The following MAGED2 variants were observed in gnomAD, a reference collection of about 807,000 sequenced individuals.
The protein encoded by MAGED2 is melanoma-associated antigen D2.
In MAGED2, 6 loss-of-function variants were observed where a neutral mutation model predicts 41.7. The observed-to-expected ratio is 0.14, with a 90% CI of 0.08 to 0.28. MAGED2 has a LOEUF of 0.28. MAGED2 is among the 10% of genes least tolerant of loss of function. The pLI is 1.00. For synonymous variants in MAGED2, 146 were observed against 178.2 expected (o/e 0.82, Z 1.44); for missense variants, 343 against 486.4 (o/e 0.71, Z 2.77).
chrX:54,815,817 T>G, intron 12 of MAGED2, 64 bp from the exon 13 acceptor site: 1 of 464,489 alleles, frequency 2.2e-6, no homozygotes, highest in East Asian at 3.7e-5. Flanking sequence ...CTTTTGGCAT[T>G]TTATTCCTTT....
Position 54,809,818 on chromosome X carries a change from G to A in MAGED2, c.142G>A (p.Ala48Thr), listed in dbSNP as rs2071536521. The A allele has an allele frequency of 8.3e-7, 1 of 1,202,088 alleles. No homozygotes were observed. The highest frequency in any genetic ancestry group is 1.1e-6 in the Non-Finnish European group (1 of 890,360). ...EVPETPKASK[A>T]LEVSEDVKVS... ...CCCAGAGACACCGAAGGCCTCAAAG[G>A]CACTGGAGGTCTCAGAGGATGTGAA... The change falls in exon 3 of 13, where the codon GCA becomes ACA. Residue 48 changes from alanine to threonine, a missense_variant. By Grantham distance (58) the Ala-to-Thr change is moderately conservative. This residue lies in a region of MAGED2 where 195 missense variants were observed against 221.2 expected (regional missense o/e 0.88). Transcript: ENST00000375068.
intron 3 of MAGED2, 49 bp downstream of exon 3, chrX:54,810,262 T>C: frequency 1.3e-6 from 1 of 787,230 alleles, no homozygotes; most frequent in Non-Finnish European, 1.8e-6. Flanking sequence ...CTCTCTCAGT[T>C]GATTCATTTG....
chrX:54,815,529 TAAC>T lies in MAGED2; in HGVS notation c.1670_1672del (p.Asn557del), dbSNP rs758402011. The T allele has an allele frequency of 8.4e-7, 1 of 1,186,450 alleles. No homozygotes were observed. The highest frequency in any genetic ancestry group is 1.8e-5 in the African/African-American group (1 of 56,963). On this transcript the variant is annotated inframe_deletion, in exon 12 of 13. Coordinates refer to ENST00000375068, the MANE Select transcript of MAGED2 (RefSeq NM_177433.3). ...GCACTGGTGCCAGTACCAGTACCAA[TAAC>T]AGTGCCAGTGCCAGTGCCAGCACCA...
chrX:54,811,186 T>A (rs1241339275), intron 4 of MAGED2, 57 bp downstream of exon 4: 5 of 1,196,651 alleles, frequency 4.2e-6, no homozygotes, highest in Non-Finnish European at 5.7e-6. Flanking sequence ...GTCCTTTTCT[T>A]TGCCATCGTC....
intron 10 of MAGED2, 68 bp from the exon 11 acceptor site, chrX:54,814,593 G>T: frequency 4.5e-6 from 3 of 665,374 alleles, no homozygotes; most frequent in Non-Finnish European, 7.5e-6. Flanking sequence ...TCTGGAGCCT[G>T]TCCAGTCTAT....
Position 54,810,113 on chromosome X carries a change from C to G in MAGED2, c.437C>G (p.Ser146Cys), listed in dbSNP as rs1008575161. 1 of 1,204,073 alleles carries G rather than the reference C, an allele frequency of 8.3e-7. No homozygotes were observed. The highest frequency in any genetic ancestry group is 1.1e-6 in the Non-Finnish European group (1 of 891,859). ...TKAQETEAAP[S>C]QAPADEPEPE... ...GCTCAGGAGACTGAGGCTGCACCCT[C>G]TCAGGCCCCAGCAGATGAACCTGAG... The change falls in exon 3 of 13, where the codon TCT (serine) becomes TGT (cysteine). Residue 146 changes from serine to cysteine, a missense_variant. Physicochemically the swap from Ser to Cys is moderately radical, Grantham distance 112 (BLOSUM62 -1). Around this residue, in one of 3 missense-constraint regions of MAGED2, gnomAD observed 195 missense variants for 221.2 expected, o/e 0.88. Transcript: ENST00000375068.
chrX:54,814,272 A>G (rs1477877496), intron 10 of MAGED2: 1 of 338,032 alleles, frequency 3.0e-6, no homozygotes, highest in Non-Finnish European at 5.7e-6. Context: ...TGTGTGAAGC[A>G]TGCTGCTATT....
At position 54,811,137 on chromosome X, in the gene MAGED2, C is replaced by T. The variant is rs761955216; in HGVS notation, c.846+8C>T. The T allele has an allele frequency of 1.7e-6, 2 of 1,195,155 alleles. No individual in the cohort carries two copies. The highest frequency in any genetic ancestry group is 1.8e-5 in the South Asian group (1 of 54,796). On this transcript the variant is annotated splice_region_variant and intron_variant, in intron 4 of 12. Transcript: ENST00000375068. ...GCCCTTTTGCAAGGGAGGGTAAGAA[C>T]TCTGTCGTTTTTATTCTGCCTTTTC...
chrX:54,808,062 G>A (rs1929669588), intron 1 of MAGED2, among the ~76,000 whole-genome samples: 1 of 109,528 alleles, frequency 9.1e-6, no homozygotes, highest in African/African-American at 3.3e-5. Flanking sequence ...CAAGGAGGGA[G>A]GGGAACACTG....
At position 54,812,246 on chromosome X, in the gene MAGED2, G is replaced by C; in HGVS notation, c.1080G>C (p.Leu360=). The change falls in exon 7 of 13, where the codon CTG becomes CTC. Residue 360 remains leucine, a synonymous_variant. Transcript: ENST00000375068. ...TAGAGCCCACTGATGCAGGCATACT[G>C]GGAACGTAAGCTGGGAAAGGGCTGA... is the stretch of plus-strand genomic sequence containing the variant. ...STLEPTDAGI[L]GTTKDSPKLG... is the part of the protein sequence containing the mutation. 1 of 1,175,447 alleles carries C rather than the reference G, an allele frequency of 8.5e-7. No homozygotes were observed. Among genetic ancestry groups the C allele is most frequent in the Non-Finnish European group, 1.2e-6 (1 of 869,061 alleles).
intron 6 of MAGED2, 133 bp downstream of exon 6, chrX:54,811,786 C>A: frequency 2.0e-6 from 1 of 500,664 alleles, no homozygotes; most frequent in Non-Finnish European, 3.5e-6. Context: ...CAGACAGTGG[C>A]CTAGGGAGGG....
Position 54,815,542 on chromosome X carries a change from G to A in MAGED2, c.1681G>A (p.Ala561Thr). Reference sequence around the variant, plus strand: ...TACCAGTACCAATAACAGTGCCAGTGCCAGTGCCAGCACCAGTGGTGGCTT... The same window carrying A: ...TACCAGTACCAATAACAGTGCCAGTACCAGTGCCAGCACCAGTGGTGGCTT... ...ASTSTNNSAS[A>T]SASTSGGFSA... Residue 561 changes from alanine to threonine, a missense_variant, in exon 12 of 13, where the codon GCC (alanine) becomes ACC (threonine). By Grantham distance (58) the Ala-to-Thr change is moderately conservative. This residue lies in a region of MAGED2 where 53 missense variants were observed against 60.4 expected (regional missense o/e 0.88). Transcript: ENST00000375068. 1 of 1,179,765 alleles carries A rather than the reference G, an allele frequency of 8.5e-7. No homozygotes were observed. The highest frequency in any genetic ancestry group is 3.1e-5 in the East Asian group (1 of 32,107).
rs1602075139 is a variant in MAGED2, at chrX:54,809,858, C to T, written c.182C>T (p.Ser61Phe). The change falls in exon 3 of 13, where the codon TCT (serine) becomes TTT (phenylalanine). Residue 61 changes from serine to phenylalanine, a missense_variant. By Grantham distance (155) the Ser-to-Phe change is radical (BLOSUM62 -2). Transcript: ENST00000375068. Reference protein sequence around the residue: ...VSEDVKVSKASGVSKATEVSK... With the variant: ...VSEDVKVSKAFGVSKATEVSK... ...GAGGATGTGAAGGTCTCAAAAGCCT[C>T]TGGGGTCTCAAAGGCCACAGAGGTC... 4 of 1,196,214 alleles carry T rather than the reference C, an allele frequency of 3.3e-6. No individual in the cohort carries two copies. The highest frequency in any genetic ancestry group is 4.5e-6 in the Non-Finnish European group (4 of 887,306).
intron 10 of MAGED2, 23 bp from the exon 11 acceptor site, chrX:54,814,638 G>A (rs1929907125): frequency 9.5e-7 from 1 of 1,049,439 alleles, no homozygotes; most frequent in Middle Eastern, 2.5e-4. Flanking sequence ...TAGAAATAAA[G>A]GCTTTGAACC....
intron 3 of MAGED2, 41 bp downstream of exon 3, chrX:54,810,254 C>T (rs1378554156): frequency 2.4e-6 from 2 of 830,877 alleles, no homozygotes; most frequent in Non-Finnish European, 1.7e-6. Flanking sequence ...TTCTACTCCT[C>T]TCTCAGTTGA....
Position 54,814,665 on chromosome X carries a change from C to T in MAGED2, c.1276C>T (p.Leu426=). The T allele has an allele frequency of 8.5e-7, 1 of 1,179,703 alleles. No homozygotes were observed. Among genetic ancestry groups the T allele is most frequent in the Non-Finnish European group, 1.2e-6 (1 of 866,095 alleles). The change falls in exon 11 of 13, where the codon CTG becomes TTG. Residue 426 remains leucine (L), a synonymous_variant. Transcript: ENST00000375068. ...ITDEFVKQKY[L]DYARVPNSNP... ...CTTTGAACCTCTCTTTCCAAGGTAC[C>T]TGGACTATGCCAGAGTCCCCAATAG...
intron 10 of MAGED2, among the ~76,000 whole-genome samples, chrX:54,814,119 C>T (rs1361134075): frequency 8.9e-6 from 1 of 112,358 alleles, no homozygotes; most frequent in Non-Finnish European, 1.9e-5. Flanking sequence ...GCATGGCCCA[C>T]AGCTGGTATG....
chrX:54,813,356 G>T, intron 9 of MAGED2, 132 bp from the exon 10 acceptor site: 2 of 823,999 alleles, frequency 2.4e-6, no homozygotes, highest in Non-Finnish European at 3.5e-6. Context: ...GTGTCTCTTG[G>T]GCTTCTATGG....
chrX:54,810,752 A>C, intron 3 of MAGED2, 69 bp from the exon 4 acceptor site: 21 of 961,845 alleles, frequency 2.2e-5, no homozygotes, highest in South Asian at 2.5e-5. Flanking sequence ...GCTTCCTGGA[A>C]GAGATAGGGA....
Sources: allele counts gnomAD v4.1 joint callset (sites outside exome capture counted in the v4.1 genomes callset), GRCh38; gene constraint gnomAD v4.1.1; regional missense constraint gnomAD v4.1.1; transcripts MANE v1.5; gene names NCBI Gene and HGNC (gene_info 2026-07-23, HGNC 2026-07-21).